Variants in ADARB2 observed in about 807,000 individuals in gnomAD.
ADARB2 encodes the protein adenosine deaminase RNA specific B2 (inactive).
In ADARB2, 25 loss-of-function variants were observed where a neutral mutation model predicts 62.2. The observed-to-expected ratio is 0.40, with a 90% CI of 0.29 to 0.56. The LOEUF (loss-of-function observed/expected upper bound fraction) is 0.56. Among genes scored for constraint, ADARB2 ranks in the 20% least tolerant of loss-of-function variants. The pLI, the probability that ADARB2 is intolerant of heterozygous loss-of-function variation, is 0.43. For missense variants in ADARB2, 1,071 were observed against 1,077.4 expected, an observed-to-expected ratio of 0.99 and a Z score of 0.08; for synonymous variants, 572 against 500.8, an observed-to-expected ratio of 1.14 and a Z score of -1.90.
intron 1 of ADARB2, among the ~76,000 whole-genome samples, chr10:1,703,076 C>T (rs1350713290): frequency 6.6e-6 from 1 of 152,164 alleles, no homozygotes; most frequent in Admixed American, 6.5e-5. Context: ...TAGCGAGTTG[C>T]ATGGAGAAGC....
chr10:1,717,870 A>T (rs937662600), intron 1 of ADARB2, among the ~76,000 whole-genome samples: 5 of 152,008 alleles, frequency 3.3e-5, no homozygotes, highest in African/African-American at 1.2e-4. Context: ...GAGCCCCCAC[A>T]CCCAGACACC....
intron 1 of ADARB2, among the ~76,000 whole-genome samples, chr10:1,662,256 G>A (rs371088945): frequency 6.6e-6 from 1 of 152,174 alleles, no homozygotes. Context: ...CCCGGTCCAC[G>A]GGTTTGAGGA....
chr10:1,613,982 G>A (rs764333967), intron 1 of ADARB2, among the ~76,000 whole-genome samples: 7 of 152,102 alleles, frequency 4.6e-5, no homozygotes, highest in Non-Finnish European at 1.0e-4. Flanking sequence ...TAATAACTTT[G>A]TTTGACTTGG....
At chr10:1,328,078 A>T (rs893910655) in intron 3 of ADARB2, among the ~76,000 whole-genome samples, 15 of 110,368 alleles carry the variant, frequency 1.4e-4, no homozygotes, top group African/African-American at 5.1e-4. Context: ...CCTTACAGTA[A>T]CCCAGTCGGG....
At chr10:1,224,598 T>C (rs1830728241) in intron 6 of ADARB2, among the ~76,000 whole-genome samples, 1 of 152,216 alleles carries the variant, frequency 6.6e-6, no homozygotes, top group African/African-American at 2.4e-5. Context: ...CTGCTTCGAA[T>C]GTGTCCCAGA....
In ADARB2 at chr10:1,363,287, G is replaced by C. The variant is rs764893125; in HGVS notation, c.818C>G (p.Ala273Gly). The C allele has an allele frequency of 3.4e-5, 42 of 1,238,896 alleles. No individual in the cohort carries two copies. Among genetic ancestry groups the C allele is most frequent in the Non-Finnish European group, 3.8e-5 (38 of 990,512 alleles). The allele number at this position is 1,238,896 out of a possible 1,614,324, so 76.7% of individuals were successfully genotyped here. Residue 273 changes from alanine (A) to glycine (G), a missense_variant, in exon 3 of 10, where the codon GCC becomes GGC. Ala to Gly is a moderately conservative substitution (Grantham distance 60). Transcript: ENST00000381312. ...CACCACGGGGTTGCGCTCGCCCGGG[G>C]CCGCGGGGGTGGCGGGGGTCGGGCC... ...LVGPTPATPA[A>G]PGERNPVVLL...
chr10:1,578,555 G>T (rs952165098), intron 1 of ADARB2, among the ~76,000 whole-genome samples: 8 of 151,878 alleles, frequency 5.3e-5, no homozygotes, highest in African/African-American at 1.9e-4. Context: ...CCTTGGCGTG[G>T]GTCTGGAGGC....
At chr10:1,439,299 T>C (rs2805552) in intron 1 of ADARB2, among the ~76,000 whole-genome samples, 91,253 of 96,674 alleles carry the variant, frequency 0.94, 43,198 homozygotes, top group Admixed American at 0.97. Flanking sequence ...TCCTTCACTA[T>C]GGGGCTTCTG....
intron 1 of ADARB2, among the ~76,000 whole-genome samples, chr10:1,725,114 G>T (rs753618930): frequency 6.6e-6 from 1 of 152,224 alleles, no homozygotes; most frequent in Non-Finnish European, 1.5e-5. Flanking sequence ...GAGAAGGAAA[G>T]TCCCAACCAG....
chr10:1,580,884 C>T (rs887338500), intron 1 of ADARB2, among the ~76,000 whole-genome samples: 3 of 152,242 alleles, frequency 2.0e-5, no homozygotes, highest in African/African-American at 7.2e-5. Flanking sequence ...CTTAAGATTC[C>T]TCCAGGTTCT....
chr10:1,368,526 C>G (rs1832332879), intron 2 of ADARB2, among the ~76,000 whole-genome samples: 1 of 152,144 alleles, frequency 6.6e-6, no homozygotes, highest in Admixed American at 6.5e-5. Flanking sequence ...TTTCCAGGGC[C>G]TCATGTCTGC....
chr10:1,523,685 G>C (rs183289146), intron 1 of ADARB2, among the ~76,000 whole-genome samples: 15 of 144,926 alleles, frequency 1.0e-4, no homozygotes, highest in African/African-American at 3.7e-4. Flanking sequence ...CAATGATTTA[G>C]AGTATCACTG....
chr10:1,295,251 A>G (rs1490459409), intron 3 of ADARB2, among the ~76,000 whole-genome samples: 3 of 152,202 alleles, frequency 2.0e-5, no homozygotes, highest in East Asian at 1.9e-4. Context: ...GGGATGTGGG[A>G]GAGAAACATC....
intron 1 of ADARB2, among the ~76,000 whole-genome samples, chr10:1,415,387 G>C (rs546756879): frequency 2.0e-5 from 3 of 152,140 alleles, no homozygotes; most frequent in Non-Finnish European, 4.4e-5. Flanking sequence ...ATATAAGAAA[G>C]GGTATATGGA....
chr10:1,636,078 GT>G (rs1177052342), intron 1 of ADARB2, among the ~76,000 whole-genome samples: 8 of 152,190 alleles, frequency 5.3e-5, no homozygotes, highest in African/African-American at 1.4e-4. Context: ...GTGCTCCCTT[GT>G]TAAAGCTGAC....
In ADARB2 at chr10:1,737,339, T is replaced by G; in HGVS notation, c.-189A>C. On this transcript the variant is annotated 5_prime_UTR_variant, in exon 1 of 10. Transcript: ENST00000381312. ...TCTCGAATTGTTCTCTATGACTTGC[T>G]CCCACTGGGCTGGGGGCCTCGGCTG... is the stretch of plus-strand genomic sequence containing the variant. 1 of 596,388 alleles carries G rather than the reference T, an allele frequency of 1.7e-6. No homozygotes were observed. The allele number at this position is 596,388 out of a possible 1,614,324, so 36.9% of individuals were successfully genotyped here.
At chr10:1,247,905 C>G (rs765054485) in intron 4 of ADARB2, among the ~76,000 whole-genome samples, 3 of 152,176 alleles carry the variant, frequency 2.0e-5, no homozygotes, top group Non-Finnish European at 4.4e-5. Flanking sequence ...CTAACATTCT[C>G]CTTTTTCGGT....
intron 1 of ADARB2, among the ~76,000 whole-genome samples, chr10:1,469,174 G>A (rs1287510707): frequency 6.6e-6 from 1 of 152,216 alleles, no homozygotes; most frequent in Non-Finnish European, 1.5e-5. Context: ...GGGAACGTTG[G>A]ACTGGGTTTA....
intron 1 of ADARB2, among the ~76,000 whole-genome samples, chr10:1,418,416 C>T (rs1157050679): frequency 1.3e-5 from 2 of 152,198 alleles, no homozygotes; most frequent in South Asian, 2.1e-4. Context: ...CCTGCCGAGA[C>T]GCCACGGGGG....
Sources: allele counts gnomAD v4.1 joint callset (sites outside exome capture counted in the v4.1 genomes callset), GRCh38; gene constraint gnomAD v4.1.1; transcripts MANE v1.5; gene names NCBI Gene and HGNC (gene_info 2026-07-23, HGNC 2026-07-21).